The following THSD7B variants were observed in gnomAD, a reference collection of about 807,000 sequenced individuals.
The protein encoded by THSD7B is thrombospondin type-1 domain-containing protein 7B.
THSD7B carries 138 observed loss-of-function variants against 213.6 expected under a neutral mutation model. The observed-to-expected ratio is 0.65, with a 90% CI of 0.56 to 0.74. THSD7B has a LOEUF of 0.74. Ranked by LOEUF, THSD7B falls within the 30% of genes least tolerant of loss-of-function variation. The pLI is 0.00. For synonymous variants in THSD7B, 742 were observed against 687.0 expected (o/e 1.08, Z -1.25); for missense variants, 1,931 against 1,991.5 (o/e 0.97, Z 0.58).
intron 2 of THSD7B, among the ~76,000 whole-genome samples, chr2:136,964,409 A>G (rs1436426008): frequency 6.6e-6 from 1 of 152,118 alleles, no homozygotes; most frequent in Non-Finnish European, 1.5e-5. Context: ...TGGACAACAC[A>G]GTGAGACCCT....
Position 136,882,079 on chromosome 2 carries a change from T to G in THSD7B, c.-35-65T>G, listed in dbSNP as rs899196357. The G allele has an allele frequency of 6.2e-6, 8 of 1,284,388 alleles. No individual in the cohort carries two copies. In the African/African-American group the frequency reaches 1.1e-4, roughly 17 times the overall value. 79.6% of individuals were successfully genotyped at this position (1,284,388 alleles called of 1,614,324 possible). On this transcript the variant is annotated intron_variant, in intron 1 of 27. Coordinates refer to ENST00000409968, the MANE Select transcript of THSD7B (RefSeq NM_001316349.2). ...ACCATCATAATAAAGGTTCTAGCAG[T>G]CAAAATGAGTTGTTATCTTTTCTTT... is the stretch of plus-strand genomic sequence containing the variant.
At chr2:137,243,237 A>G (rs562768205) in intron 10 of THSD7B, among the ~76,000 whole-genome samples, 28 of 152,308 alleles carry the variant, frequency 1.8e-4, no homozygotes, top group Non-Finnish European at 2.8e-4. Flanking sequence ...CTGATGGGCT[A>G]GTTCATGTGA....
chr2:136,779,895 G>T (rs1681707189), intron 1 of THSD7B, among the ~76,000 whole-genome samples: 1 of 152,114 alleles, frequency 6.6e-6, no homozygotes, highest in South Asian at 2.1e-4. Flanking sequence ...TGCTGAGAAA[G>T]GTCCTGTATT....
intron 2 of THSD7B, among the ~76,000 whole-genome samples, chr2:137,008,990 CT>C (rs1049129714): frequency 5.9e-5 from 9 of 152,160 alleles, no homozygotes; most frequent in African/African-American, 1.7e-4. Flanking sequence ...ATGTGGGGCT[CT>C]TTTGTTCTTC....
intron 12 of THSD7B, among the ~76,000 whole-genome samples, chr2:137,363,161 A>G (rs534254621): frequency 6.6e-6 from 1 of 152,360 alleles, no homozygotes; most frequent in Non-Finnish European, 1.5e-5. Flanking sequence ...AAATGAAGGC[A>G]GAAATAAAGA....
chr2:136,902,146 A>G (rs1684073407), intron 2 of THSD7B, among the ~76,000 whole-genome samples: 1 of 133,974 alleles, frequency 7.5e-6, no homozygotes, highest in African/African-American at 2.5e-5. Context: ...AAGTCAAATC[A>G]TGGAAATTCT....
chr2:137,022,023 T>C (rs1686453926), intron 2 of THSD7B, among the ~76,000 whole-genome samples: 1 of 152,198 alleles, frequency 6.6e-6, no homozygotes, highest in South Asian at 2.1e-4. Context: ...GTATCAATAG[T>C]TTGTCCTTTT....
At chr2:137,492,369 C>T (rs1421603766) in intron 15 of THSD7B, among the ~76,000 whole-genome samples, 1 of 152,118 alleles carries the variant, frequency 6.6e-6, no homozygotes, top group Non-Finnish European at 1.5e-5. Context: ...CTTACCATGC[C>T]TCTCCTATTT....
At chr2:137,556,891 C>T (rs1680982645) in intron 15 of THSD7B, among the ~76,000 whole-genome samples, 1 of 152,100 alleles carries the variant, frequency 6.6e-6, no homozygotes, top group African/African-American at 2.4e-5. Flanking sequence ...GGGTTGCAAT[C>T]CTAGTCTCTG....
intron 5 of THSD7B, among the ~76,000 whole-genome samples, chr2:137,158,256 C>A (rs1679947033): frequency 6.6e-6 from 1 of 152,166 alleles, no homozygotes; most frequent in Admixed American, 6.6e-5. Context: ...TTGGGTTCCC[C>A]TTTACACACA....
chr2:137,287,747 A>G (rs1157019632), intron 12 of THSD7B, among the ~76,000 whole-genome samples: 1 of 151,912 alleles, frequency 6.6e-6, no homozygotes, highest in African/African-American at 2.4e-5. Flanking sequence ...TATTTCATTG[A>G]TAAAATTGAT....
At chr2:137,624,342 G>A (rs986839781) in intron 20 of THSD7B, among the ~76,000 whole-genome samples, 1 of 152,166 alleles carries the variant, frequency 6.6e-6, no homozygotes, top group East Asian at 1.9e-4. Flanking sequence ...ATGGATTAAA[G>A]ACTTAAATGT....
chr2:137,410,728 CAAAA>C (rs1172335646), intron 13 of THSD7B, among the ~76,000 whole-genome samples: 1 of 152,098 alleles, frequency 6.6e-6, no homozygotes, highest in Non-Finnish European at 1.5e-5. Context: ...GCCATAAACA[CAAAA>C]AATAGACCAA....
At chr2:137,601,684 T>A (rs1682078862) in intron 17 of THSD7B, among the ~76,000 whole-genome samples, 1 of 152,222 alleles carries the variant, frequency 6.6e-6, no homozygotes, top group South Asian at 2.1e-4. Flanking sequence ...TTTTTAAAAA[T>A]GGTGTTTCTT....
At position 137,655,532 on chromosome 2, in the gene THSD7B, G is replaced by A. The variant is rs746708463; in HGVS notation, c.3977G>A (p.Arg1326His). The A allele has an allele frequency of 8.1e-6, 13 of 1,611,890 alleles. No individual in the cohort carries two copies. Among genetic ancestry groups the A allele is most frequent in the Admixed American group, 1.7e-5 (1 of 59,760 alleles). Residue 1326 changes from arginine (R) to histidine (H), a missense_variant, in exon 22 of 28, where the codon CGC becomes CAC. Physicochemically the swap from Arg to His is conservative, Grantham distance 29. Coordinates refer to ENST00000409968, the MANE Select transcript of THSD7B (RefSeq NM_001316349.2). ...GACTGTGGGGAAGGAGTTCAGATCC[G>A]CAGCCTTTCCTGCATGGTCCACAGT... ...GGDCGEGVQI[R>H]SLSCMVHSGS... is the part of the protein sequence containing the mutation.
At chr2:136,836,565 C>T (rs1023949981) in intron 1 of THSD7B, among the ~76,000 whole-genome samples, 1 of 152,208 alleles carries the variant, frequency 6.6e-6, no homozygotes, top group Non-Finnish European at 1.5e-5. Flanking sequence ...CTTTCTCCAT[C>T]ACCTTTCTAG....
At chr2:137,066,525 C>T (rs1045211099) in intron 3 of THSD7B, among the ~76,000 whole-genome samples, 1 of 152,076 alleles carries the variant, frequency 6.6e-6, no homozygotes, top group Admixed American at 6.6e-5. Flanking sequence ...CATGATCTTG[C>T]TTGCATAGTT....
At chr2:137,437,285 C>G (rs1250101615) in intron 14 of THSD7B, among the ~76,000 whole-genome samples, 2 of 152,140 alleles carry the variant, frequency 1.3e-5, no homozygotes, top group African/African-American at 4.8e-5. Context: ...AAAATCCTTA[C>G]TAATGATGTT....
At chr2:136,976,795 G>C (rs1341713071) in intron 2 of THSD7B, among the ~76,000 whole-genome samples, 1 of 151,746 alleles carries the variant, frequency 6.6e-6, no homozygotes, top group African/African-American at 2.4e-5. Flanking sequence ...CTAATTTTTT[G>C]TATTTTTAGT....
Sources: gnomAD v4.1 joint callset for allele counts (sites outside exome capture counted in the v4.1 genomes callset) on GRCh38, gnomAD v4.1.1 for gene constraint, MANE v1.5 for transcripts, NCBI Gene and HGNC (gene_info 2026-07-23, HGNC 2026-07-21) for gene names.